Variants in C4orf51 observed in about 807,000 individuals in gnomAD.
The protein encoded by C4orf51 is chromosome 4 open reading frame 51.
C4orf51 carries 25 observed loss-of-function variants against 25.2 expected under a neutral mutation model. That is an observed-to-expected ratio of 0.99 (90% CI 0.72 to 1.39). C4orf51 has a LOEUF of 1.39. Among genes scored for constraint, C4orf51 ranks in the 40% most tolerant of loss-of-function variants. The pLI, the probability that C4orf51 is intolerant of heterozygous loss-of-function variation, is 0.00. For synonymous variants in C4orf51, 100 were observed against 84.5 expected (o/e 1.18, Z -1.01); for missense variants, 252 against 239.6 (o/e 1.05, Z -0.34).
intron 2 of C4orf51, among the ~76,000 whole-genome samples, chr4:145,707,183 C>T (rs2126718746): frequency 6.6e-6 from 1 of 152,302 alleles, no homozygotes; most frequent in East Asian, 1.9e-4. Flanking sequence ...TCGTGATCCA[C>T]CCGCCTCGGC....
At chr4:145,767,634 G>C (rs1735507829) in intron 1 of C4orf51, among the ~76,000 whole-genome samples, 1 of 152,210 alleles carries the variant, frequency 6.6e-6, no homozygotes, top group Non-Finnish European at 1.5e-5. Context: ...GATATGTTAT[G>C]TGCACAGGAA....
rs1734243922 is a variant in C4orf51 at position 145,759,675 on chromosome 4, CCTTTT to C, written n.167-11312_167-11308del. Reference sequence around the variant, plus strand: ...TTCCATAAAAAAGGTACATTTTCTTCCTTTTATTTTACTTTTTTTTTTTCAGATGA... The same window carrying C: ...TTCCATAAAAAAGGTACATTTTCTTCATTTTACTTTTTTTTTTTCAGATGA... On this transcript the variant is annotated intron_variant and non_coding_transcript_variant, in intron 1 of 1. Transcript: ENST00000510096. 4 of 151,418 alleles carry C rather than the reference CCTTTT, an allele frequency of 2.6e-5. No homozygotes were observed. The South Asian group carries it at 8.3e-4, about 31-fold the overall frequency. 9.4% of individuals were successfully genotyped at this position (151,418 alleles called of 1,614,324 possible).
intron 1 of C4orf51, among the ~76,000 whole-genome samples, chr4:145,687,581 G>A (rs1388071247): frequency 6.6e-6 from 1 of 152,150 alleles, no homozygotes; most frequent in Non-Finnish European, 1.5e-5. Flanking sequence ...TGCTTAGGGG[G>A]AACACAAACC....
chr4:145,739,349 A>G (rs4835255), intron 1 of C4orf51, among the ~76,000 whole-genome samples: 27,288 of 152,174 alleles, frequency 0.18, 3,178 homozygotes, highest in East Asian at 0.35. Flanking sequence ...TTACCTCCCC[A>G]GAAGTTTACT....
intron 1 of C4orf51, among the ~76,000 whole-genome samples, chr4:145,740,787 C>T (rs1384107928): frequency 6.6e-6 from 1 of 152,230 alleles, no homozygotes; most frequent in Non-Finnish European, 1.5e-5. Context: ...TGGTCTCCTT[C>T]AGAGTAAATG....
At chr4:145,707,239 C>G (rs72952620) in intron 2 of C4orf51, among the ~76,000 whole-genome samples, 1 of 152,180 alleles carries the variant, frequency 6.6e-6, no homozygotes, top group African/African-American at 2.4e-5. Context: ...GCGCCAGGCC[C>G]ATATAAGATA....
At chr4:145,739,730 C>A (rs191387329) in intron 1 of C4orf51, among the ~76,000 whole-genome samples, 1 of 152,196 alleles carries the variant, frequency 6.6e-6, no homozygotes, top group Admixed American at 6.5e-5. Flanking sequence ...AATATCCACA[C>A]TAAAGTGTTT....
intron 1 of C4orf51, among the ~76,000 whole-genome samples, chr4:145,683,666 A>C (rs1245130449): frequency 1.3e-5 from 2 of 152,218 alleles, no homozygotes; most frequent in Non-Finnish European, 2.9e-5. Flanking sequence ...TTTTCAACAA[A>C]TGGTGCTGGA....
At chr4:145,730,765 A>C (rs1050074721) in intron 5 of C4orf51, among the ~76,000 whole-genome samples, 7 of 152,158 alleles carry the variant, frequency 4.6e-5, no homozygotes, top group African/African-American at 1.7e-4. Flanking sequence ...ACAGTATCAC[A>C]AGAACCACCA....
At chr4:145,778,412 G>T in the C4orf51 span, among the ~76,000 whole-genome samples, 1 of 152,186 alleles carries the variant, frequency 6.6e-6, no homozygotes, top group South Asian at 2.1e-4. Context: ...GGGATTATAG[G>T]CGTGAGCCAT....
rs1449213583 is a variant in C4orf51 at position 145,727,883 on chromosome 4, CA to C, written c.366+922del. On this transcript the variant is annotated intron_variant, in intron 3 of 5. Coordinates refer to ENST00000438731, the MANE Select transcript of C4orf51 (RefSeq NM_001080531.3). ...GGCAACAAGAGTGAAACTCCACCTA[CA>C]AAAAAAATGTGTATATATATATATA... 1.5e-3 allele frequency among the ~76,000 whole-genome samples: 82 copies of C among 55,094 alleles called. 1 individual carries two copies. Among genetic ancestry groups the C allele is most frequent in the African/African-American group, 6.1e-3 (80 of 13,174 alleles). The allele number at this position is 55,094 out of a possible 152,430, so 36.1% of individuals were successfully genotyped here.
intron 2 of C4orf51, among the ~76,000 whole-genome samples, chr4:145,720,770 G>T (rs962737961): frequency 2.0e-5 from 3 of 152,188 alleles, no homozygotes; most frequent in African/African-American, 7.2e-5. Context: ...ACAAAGGAAA[G>T]ATGCCCCTGT....
intron 2 of C4orf51, among the ~76,000 whole-genome samples, chr4:145,700,276 G>C (rs539937224): frequency 6.8e-6 from 1 of 146,582 alleles, no homozygotes; most frequent in African/African-American, 2.5e-5. Context: ...CCTTATTTCC[G>C]TGCCCTGACC....
downstream of C4orf51, among the ~76,000 whole-genome samples, chr4:145,771,496 C>T (rs1167642943): frequency 6.6e-6 from 1 of 152,136 alleles, no homozygotes; most frequent in Non-Finnish European, 1.5e-5. Context: ...CCATTTATTG[C>T]AACATTTAGA....
At chr4:145,702,975 C>A (rs1202736110) in intron 2 of C4orf51, among the ~76,000 whole-genome samples, 1 of 151,594 alleles carries the variant, frequency 6.6e-6, no homozygotes, top group East Asian at 1.9e-4. Context: ...TCTCTCCATA[C>A]CACCCCCCCA....
At chr4:145,770,295 T>C (rs1490775908) in intron 1 of C4orf51, among the ~76,000 whole-genome samples, 1 of 144,830 alleles carries the variant, frequency 6.9e-6, no homozygotes, top group Admixed American at 6.9e-5. Flanking sequence ...TGAGACCCTG[T>C]CTTAAAATAA....
At chr4:145,742,464 T>C (rs1733148903) in intron 1 of C4orf51, among the ~76,000 whole-genome samples, 1 of 152,010 alleles carries the variant, frequency 6.6e-6, no homozygotes, top group African/African-American at 2.4e-5. Flanking sequence ...ACAAGTCTCA[T>C]CATGAACTTT....
intron 2 of C4orf51, among the ~76,000 whole-genome samples, chr4:145,703,302 G>A (rs1035916242): frequency 3.0e-4 from 45 of 151,184 alleles, no homozygotes; most frequent in Admixed American, 5.3e-4. Flanking sequence ...AGCACCTTGC[G>A]ACCCCCACTC....
At chr4:145,734,361 C>T (rs118180607), downstream of C4orf51, among the ~76,000 whole-genome samples, 9 of 139,566 alleles carry the variant, frequency 6.4e-5, no homozygotes, top group East Asian at 1.9e-3. Context: ...AGTGGAGGGG[C>T]TTCGGGAAGG....
Sources: gnomAD v4.1 joint callset for allele counts (sites outside exome capture counted in the v4.1 genomes callset) on GRCh38, gnomAD v4.1.1 for gene constraint, MANE v1.5 for transcripts, NCBI Gene and HGNC (gene_info 2026-07-23, HGNC 2026-07-21) for gene names.